The following SLC4A8 variants were observed in gnomAD, a reference collection of about 807,000 sequenced individuals.
SLC4A8 encodes solute carrier family 4 member 8.
Under a neutral mutation model 125.0 loss-of-function variants are expected in SLC4A8, and 40 were observed. That is an observed-to-expected ratio of 0.32 (90% CI 0.25 to 0.42). The LOEUF (loss-of-function observed/expected upper bound fraction) is 0.42. SLC4A8 is among the 10% of genes least tolerant of loss of function. SLC4A8 has a pLI of 1.00. For synonymous variants in SLC4A8, 456 were observed against 476.0 expected (o/e 0.96, Z 0.55); for missense variants, 863 against 1,355.1 (o/e 0.64, Z 5.70).
intron 2 of SLC4A8, among the ~76,000 whole-genome samples, chr12:51,444,529 A>G (rs1333954280): frequency 6.6e-6 from 1 of 152,216 alleles, no homozygotes; most frequent in African/African-American, 2.4e-5. Flanking sequence ...CATCTATAGG[A>G]TGTCTTCACC....
At chr12:51,505,293 T>A (rs924438257) in intron 23 of SLC4A8, among the ~76,000 whole-genome samples, 1 of 152,236 alleles carries the variant, frequency 6.6e-6, no homozygotes, top group Non-Finnish European at 1.5e-5. Context: ...GATTCTCTAC[T>A]TGCTGTTGTT....
intron 1 of SLC4A8, among the ~76,000 whole-genome samples, chr12:51,417,492 A>G (rs1455446163): frequency 1.3e-5 from 2 of 151,182 alleles, no homozygotes; most frequent in African/African-American, 4.9e-5. Flanking sequence ...GATTACAGGC[A>G]TGCGCCACCA....
Position 51,425,009 on chromosome 12 carries a change from G to C in SLC4A8, c.22G>C (p.Glu8Gln), listed in dbSNP as rs538107228. The C allele has an allele frequency of 1.3e-6, 2 of 1,556,508 alleles. No individual in the cohort carries two copies. The highest frequency in any genetic ancestry group is 1.9e-5 in the Admixed American group (1 of 52,166). MPAAGSN[E>Q]PDGVLSYQRP... is the part of the protein sequence containing the mutation. ...CGCCATGCCGGCCGCCGGGAGTAAC[G>C]AGCCGGACGGCGTCCTCAGCTATCA... Residue 8 changes from glutamate (E) to glutamine (Q), a missense_variant, in exon 1 of 25, where the codon GAG becomes CAG. Transcript: ENST00000453097.
intron 16 of SLC4A8, among the ~76,000 whole-genome samples, chr12:51,483,658 C>T (rs1951088089): frequency 6.6e-6 from 1 of 151,754 alleles, no homozygotes; most frequent in Non-Finnish European, 1.5e-5. Flanking sequence ...CTTTTTACAT[C>T]CAAGTTCAAG....
At chr12:51,407,383 G>A (rs2137955624) in intron 1 of SLC4A8, among the ~76,000 whole-genome samples, 1 of 152,010 alleles carries the variant, frequency 6.6e-6, no homozygotes, top group South Asian at 2.1e-4. Context: ...AGCCTCCCAA[G>A]TAGCTGGCAC....
intron 19 of SLC4A8, among the ~76,000 whole-genome samples, chr12:51,492,153 T>C (rs1156688429): frequency 6.6e-6 from 1 of 152,148 alleles, no homozygotes; most frequent in African/African-American, 2.4e-5. Flanking sequence ...AAATGTTTTG[T>C]GGGTGGAAGG....
chr12:51,496,684 C>A (rs1951467513), intron 21 of SLC4A8, among the ~76,000 whole-genome samples: 1 of 152,222 alleles, frequency 6.6e-6, no homozygotes, highest in Admixed American at 6.5e-5. Flanking sequence ...TTTCTACCCA[C>A]CTGCTGTCCT....
chr12:51,463,832 A>ATGAC (rs1426185811), intron 11 of SLC4A8, 118 bp downstream of exon 11: 2 of 657,024 alleles, frequency 3.0e-6, no homozygotes, highest in Non-Finnish European at 5.3e-6. Context: ...TGGCTGAAGA[A>ATGAC]TGACTTTTCA....
chr12:51,398,559 ATC>A (rs1258729165), intron 1 of SLC4A8, among the ~76,000 whole-genome samples: 1 of 152,210 alleles, frequency 6.6e-6, no homozygotes, highest in Non-Finnish European at 1.5e-5. Flanking sequence ...CTTATTTAAT[ATC>A]TCTCTTTAAA....
chr12:51,504,695 G>A (rs1938086719), intron 23 of SLC4A8, among the ~76,000 whole-genome samples: 1 of 152,196 alleles, frequency 6.6e-6, no homozygotes. Flanking sequence ...GGCAGAAATA[G>A]TCAATGTTAG....
intron 16 of SLC4A8, among the ~76,000 whole-genome samples, chr12:51,477,791 T>G (rs1950896493): frequency 6.6e-6 from 1 of 152,166 alleles, no homozygotes; most frequent in African/African-American, 2.4e-5. Context: ...TTGACTTCAC[T>G]GATTATCTGC....
At chr12:51,466,432 G>T (rs1950516494) in intron 11 of SLC4A8, 1 of 152,156 alleles carries the variant, frequency 6.6e-6, no homozygotes, top group African/African-American at 2.4e-5. Flanking sequence ...CCAGACAAAT[G>T]GATGGCTGGC....
intron 22 of SLC4A8, among the ~76,000 whole-genome samples, chr12:51,500,850 CTTTT>C (rs71092703): frequency 7.0e-6 from 1 of 142,662 alleles, no homozygotes; most frequent in East Asian, 2.0e-4. Flanking sequence ...CTGCGCCTGG[CTTTT>C]TTTTTTTTTC....
chr12:51,499,524 G>A (rs987831280), intron 22 of SLC4A8, among the ~76,000 whole-genome samples: 7 of 151,840 alleles, frequency 4.6e-5, no homozygotes, highest in African/African-American at 2.4e-5. Flanking sequence ...GACACAGACA[G>A]TCCCTGACCG....
chr12:51,395,424 G>A (rs556119735), intron 1 of SLC4A8, among the ~76,000 whole-genome samples: 30 of 152,014 alleles, frequency 2.0e-4, no homozygotes, highest in Non-Finnish European at 4.4e-4. Context: ...TTTCACATGA[G>A]TGTGCATCAA....
intron 13 of SLC4A8, among the ~76,000 whole-genome samples, chr12:51,470,779 A>C (rs1038302274): frequency 6.6e-6 from 1 of 152,212 alleles, no homozygotes; most frequent in Non-Finnish European, 1.5e-5. Flanking sequence ...ATCTTTAAAA[A>C]GACTTTCCCT....
chr12:51,406,437 C>G (rs1948490523), intron 1 of SLC4A8, among the ~76,000 whole-genome samples: 1 of 152,146 alleles, frequency 6.6e-6, no homozygotes, highest in Non-Finnish European at 1.5e-5. Context: ...CTTCCAGTCC[C>G]TGGCACAGTT....
At chr12:51,493,793 G>T in intron 20 of SLC4A8, 21 bp downstream of exon 20, 1 of 1,533,158 alleles carries the variant, frequency 6.5e-7, no homozygotes, top group Non-Finnish European at 9.0e-7. Context: ...GTTCAGCCAG[G>T]GCAGTTTCTT....
At chr12:51,392,587 GAAAAA>G (rs1199904072) in intron 1 of SLC4A8, among the ~76,000 whole-genome samples, 2 of 99,312 alleles carry the variant, frequency 2.0e-5, no homozygotes, top group Admixed American at 9.5e-5. Context: ...AAAAAAAAAA[GAAAAA>G]AAGAAAAGAA....
Sources: allele counts gnomAD v4.1 joint callset (sites outside exome capture counted in the v4.1 genomes callset), GRCh38; gene constraint gnomAD v4.1.1; transcripts MANE v1.5; gene names NCBI Gene and HGNC (gene_info 2026-07-23, HGNC 2026-07-21).